MXI1: variants seen among roughly 807,000 people sequenced by gnomAD.
MXI1 encodes MAX interactor 1, dimerization protein.
Under a neutral mutation model 36.9 loss-of-function variants are expected in MXI1, and 18 were observed. The observed-to-expected ratio is 0.49, with a 90% CI of 0.34 to 0.72. MXI1 has a LOEUF of 0.72. MXI1 is among the 30% of genes least tolerant of loss of function. The probability of loss-of-function intolerance (pLI) is 0.01; values close to 1 mark genes in which losing one functional copy is unlikely to be tolerated. For missense variants in MXI1, 304 were observed against 379.1 expected (o/e 0.80, Z 1.64); for synonymous variants, 160 against 146.7 (o/e 1.09, Z -0.65).
chr10:110,259,655 A>G (rs1159718853), intron 3 of MXI1, among the ~76,000 whole-genome samples: 4 of 152,108 alleles, frequency 2.6e-5, no homozygotes, highest in African/African-American at 9.6e-5. Context: ...CTTTGTTAGT[A>G]TCTTGCATTT....
At chr10:110,228,061 A>G (rs528936351) in intron 1 of MXI1, 128 bp from the exon 2 acceptor site, 3 of 1,030,932 alleles carry the variant, frequency 2.9e-6, no homozygotes, top group East Asian at 4.9e-5. Flanking sequence ...CTAACCAAAA[A>G]GAGTGGAAAC....
chr10:110,255,018 C>T (rs533508638), intron 3 of MXI1, among the ~76,000 whole-genome samples: 1 of 151,966 alleles, frequency 6.6e-6, no homozygotes, highest in African/African-American at 2.4e-5. Context: ...AAGATGCCAT[C>T]CAGGACTTTC....
At chr10:110,212,554 T>C (rs374539831) in intron 1 of MXI1, among the ~76,000 whole-genome samples, 141 of 152,320 alleles carry the variant, frequency 9.3e-4, no homozygotes, top group African/African-American at 3.3e-3. Context: ...TTCAGCCCAT[T>C]TGGCTCTATT....
chr10:110,223,586 T>C (rs1854875119), intron 1 of MXI1, among the ~76,000 whole-genome samples: 1 of 151,678 alleles, frequency 6.6e-6, no homozygotes, highest in South Asian at 2.1e-4. Context: ...AATAAATAAA[T>C]AAATAAATAA....
chr10:110,285,463 A>G lies in MXI1; in HGVS notation c.*476A>G, dbSNP rs1000766671. On this transcript the variant is annotated 3_prime_UTR_variant, in exon 6 of 6. Transcript: ENST00000332674. ...TATTAATCTTGGATAGCTAATAATG[A>G]GCTATTAAAACTCAGCCTGGGACAG... 4 of 152,784 alleles carry G rather than the reference A, an allele frequency of 2.6e-5. No individual in the cohort carries two copies. Among genetic ancestry groups the G allele is most frequent in the Non-Finnish European group, 4.4e-5 (3 of 68,158 alleles). The allele number at this position is 152,784 out of a possible 1,614,324, so 9.5% of individuals were successfully genotyped here.
At chr10:110,274,223 C>G (rs981945943) in intron 3 of MXI1, among the ~76,000 whole-genome samples, 1 of 152,148 alleles carries the variant, frequency 6.6e-6, no homozygotes, top group Non-Finnish European at 1.5e-5. Flanking sequence ...TCTCATTGTT[C>G]TTTATCCCAC....
intron 5 of MXI1, among the ~76,000 whole-genome samples, chr10:110,282,924 T>C (rs762300201): frequency 1.3e-5 from 2 of 152,172 alleles, no homozygotes; most frequent in Non-Finnish European, 2.9e-5. Context: ...GCAATCCTCC[T>C]GCCTTGGCTT....
intron 1 of MXI1, among the ~76,000 whole-genome samples, chr10:110,219,462 A>G (rs1854741516): frequency 6.6e-6 from 1 of 152,104 alleles, no homozygotes; most frequent in South Asian, 2.1e-4. Context: ...TGATTGGAGG[A>G]TGGAGAGCCT....
intron 2 of MXI1, among the ~76,000 whole-genome samples, chr10:110,238,320 T>C (rs1052130934): frequency 2.6e-5 from 4 of 152,190 alleles, no homozygotes; most frequent in Non-Finnish European, 5.9e-5. Context: ...TATCTCTCCT[T>C]GGCATAAACT....
At chr10:110,264,599 C>T (rs896681957) in intron 3 of MXI1, among the ~76,000 whole-genome samples, 1 of 151,880 alleles carries the variant, frequency 6.6e-6, no homozygotes. Context: ...CTCCTGACCT[C>T]GTGATCCGCC....
At chr10:110,270,750 ATTCTG>A (rs1425375200) in intron 3 of MXI1, among the ~76,000 whole-genome samples, 2 of 152,062 alleles carry the variant, frequency 1.3e-5, no homozygotes, top group African/African-American at 4.8e-5. Context: ...TGATAAAGTC[ATTCTG>A]TTGTAAAAGC....
At position 110,269,183 on chromosome 10, in the gene MXI1, G is replaced by A. The variant is rs1352181937; in HGVS notation, c.438-9997G>A. 4.6e-5 allele frequency among the ~76,000 whole-genome samples: 7 copies of A among 152,230 alleles called. No individual in the cohort carries two copies. The Middle Eastern group carries it at 0.014, about 296-fold the overall frequency. ...GTAAGCATGGTTACCACTTTTAATC[G>A]TTTAGCTCTCTATTTCAGGTTGCTC... On this transcript the variant is annotated intron_variant, in intron 3 of 5. Transcript: ENST00000332674.
At chr10:110,215,732 A>C (rs1017925815) in intron 1 of MXI1, among the ~76,000 whole-genome samples, 1 of 152,132 alleles carries the variant, frequency 6.6e-6, no homozygotes, top group African/African-American at 2.4e-5. Flanking sequence ...TATCTTTTAC[A>C]TTTGGGGGCT....
Position 110,207,842 on chromosome 10 carries a change from C to A in MXI1, c.34C>A (p.Arg12Ser). 1 of 1,137,082 alleles carries A rather than the reference C, an allele frequency of 8.8e-7. No individual in the cohort carries two copies. The allele number at this position is 1,137,082 out of a possible 1,614,324, so 70.4% of individuals were successfully genotyped here. ...GKRGRPRKEA[R>S]CEGAGLAPAA... ...ACGCGGGCGGCCGCGCAAGGAGGCG[C>A]GCTGCGAGGGCGCGGGGCTGGCCCC... Residue 12 changes from arginine to serine, a missense_variant, in exon 1 of 6, where the codon CGC (arginine) becomes AGC (serine). Coordinates refer to ENST00000332674, the MANE Select transcript of MXI1 (RefSeq NM_130439.3).
intron 3 of MXI1, among the ~76,000 whole-genome samples, chr10:110,273,041 CTTTT>C (rs771024820): frequency 9.0e-6 from 1 of 110,860 alleles, no homozygotes; most frequent in Admixed American, 1.0e-4. Context: ...GCTTGTTTAG[CTTTT>C]TTTTTTTTTT....
intron 3 of MXI1, among the ~76,000 whole-genome samples, chr10:110,263,906 G>A (rs2134435938): frequency 6.6e-6 from 1 of 152,292 alleles, no homozygotes; most frequent in Admixed American, 6.5e-5. Flanking sequence ...GCCTTAGGAA[G>A]ACCCATTCCT....
Position 110,286,473 on chromosome 10 carries a change from TTAAC to T in MXI1, c.*1489_*1492del, listed in dbSNP as rs1227404032. 2.2e-5 allele frequency: 3 copies of T among 136,754 alleles called. No individual in the cohort carries two copies. Among genetic ancestry groups the T allele is most frequent in the Non-Finnish European group, 3.1e-5 (2 of 65,460 alleles). 8.5% of individuals were successfully genotyped at this position (136,754 alleles called of 1,614,324 possible). On this transcript the variant is annotated 3_prime_UTR_variant, in exon 6 of 6. Transcript: ENST00000332674. Reference sequence around the variant, plus strand: ...TTGGACTTTGTATACTTTAAATAATTTAACTACCCTTAATTACTTAAAAAAAAAA... The same window carrying T: ...TTGGACTTTGTATACTTTAAATAATTTACCCTTAATTACTTAAAAAAAAAA...
At chr10:110,228,076 T>C in intron 1 of MXI1, 113 bp from the exon 2 acceptor site, 1 of 1,183,098 alleles carries the variant, frequency 8.5e-7, no homozygotes. Context: ...GGAAACATTT[T>C]ACCTCTTTTC....
intron 2 of MXI1, among the ~76,000 whole-genome samples, chr10:110,241,185 G>A (rs1246884708): frequency 1.3e-5 from 2 of 151,908 alleles, no homozygotes; most frequent in South Asian, 2.1e-4. Context: ...TGCTGTTTGC[G>A]AAAAAGATTA....
Sources: gnomAD v4.1 joint callset for allele counts (sites outside exome capture counted in the v4.1 genomes callset) on GRCh38, gnomAD v4.1.1 for gene constraint, MANE v1.5 for transcripts, NCBI Gene and HGNC (gene_info 2026-07-23, HGNC 2026-07-21) for gene names.